SOX6: variants seen among roughly 807,000 people sequenced by gnomAD.
SOX6 encodes the protein transcription factor SOX-6.
A neutral mutation model predicts 97.8 loss-of-function variants in SOX6; 11 were observed. The ratio of observed to expected loss-of-function variants is 0.11; its 90% CI spans 0.07 to 0.19. SOX6 has a LOEUF of 0.19. SOX6 is among the 10% of genes least tolerant of loss of function. SOX6 has a pLI of 1.00. For missense variants in SOX6, 810 were observed against 1,039.5 expected, an observed-to-expected ratio of 0.78 and a Z score of 3.04; for synonymous variants, 360 against 371.4, an observed-to-expected ratio of 0.97 and a Z score of 0.35.
chr11:16,691,127 C>A (rs925951232), intron 3 of SOX6, among the ~76,000 whole-genome samples: 1 of 152,186 alleles, frequency 6.6e-6, no homozygotes, highest in Non-Finnish European at 1.5e-5. Flanking sequence ...TCATGACCCT[C>A]CTTGGAGTTA....
intron 6 of SOX6, 76 bp from the exon 7 acceptor site, chr11:16,111,999 T>C: frequency 3.8e-6 from 6 of 1,584,682 alleles, no homozygotes; most frequent in Non-Finnish European, 5.2e-6. Context: ...TCACTCCTGG[T>C]GGTGTGCTGG....
intron 4 of SOX6, among the ~76,000 whole-genome samples, chr11:16,527,007 T>G (rs939114740): frequency 6.6e-5 from 10 of 152,128 alleles, no homozygotes; most frequent in Non-Finnish European, 1.2e-4. Context: ...CAAACTTTCA[T>G]GCCCTAATAC....
At chr11:16,057,394 A>G (rs1339308971) in intron 9 of SOX6, among the ~76,000 whole-genome samples, 2 of 152,072 alleles carry the variant, frequency 1.3e-5, no homozygotes, top group African/African-American at 4.8e-5. Flanking sequence ...TTTTGTTTTC[A>G]TAATTTTTAT....
At chr11:16,620,394 T>C (rs1389676000) in intron 3 of SOX6, among the ~76,000 whole-genome samples, 1 of 152,208 alleles carries the variant, frequency 6.6e-6, no homozygotes, top group East Asian at 1.9e-4. Context: ...TATCTGGGCA[T>C]GACGATATAA....
chr11:16,711,106 C>G (rs1489031919), intron 3 of SOX6, among the ~76,000 whole-genome samples: 1 of 152,192 alleles, frequency 6.6e-6, no homozygotes, highest in African/African-American at 2.4e-5. Context: ...TAACCCAGGT[C>G]CCCATTATTT....
At chr11:16,701,773 C>T (rs1444311180) in intron 3 of SOX6, among the ~76,000 whole-genome samples, 11 of 3,204 alleles carry the variant, frequency 3.4e-3, no homozygotes, top group African/African-American at 0.017. Flanking sequence ...CGGAGGGGTT[C>T]GGGGGGGTGG....
intron 1 of SOX6, among the ~76,000 whole-genome samples, chr11:16,362,971 A>T (rs1034681571): frequency 2.0e-5 from 3 of 152,120 alleles, no homozygotes; most frequent in Non-Finnish European, 4.4e-5. Context: ...TTATAAACAC[A>T]CGGTTCCAGA....
chr11:16,492,308 G>T (rs1860525617), intron 4 of SOX6, among the ~76,000 whole-genome samples: 1 of 152,166 alleles, frequency 6.6e-6, no homozygotes, highest in South Asian at 2.1e-4. Context: ...AGCCAGAGCT[G>T]CAATGGACAG....
chr11:16,531,388 TA>T (rs1253808518), intron 4 of SOX6, among the ~76,000 whole-genome samples: 3 of 151,742 alleles, frequency 2.0e-5, no homozygotes, highest in African/African-American at 4.8e-5. Context: ...ACATTTATAA[TA>T]AAAAAAGAAT....
At chr11:16,023,728 C>T (rs777321986) in intron 12 of SOX6, among the ~76,000 whole-genome samples, 3 of 152,056 alleles carry the variant, frequency 2.0e-5, no homozygotes, top group African/African-American at 7.3e-5. Flanking sequence ...ATTAAAAAGG[C>T]CAATCTCTTA....
At chr11:16,181,342 T>C (rs1222553931) in intron 6 of SOX6, among the ~76,000 whole-genome samples, 3 of 151,722 alleles carry the variant, frequency 2.0e-5, no homozygotes, top group Non-Finnish European at 4.4e-5. Flanking sequence ...TAATAATCTT[T>C]AATTCACCTT....
At chr11:16,638,986 T>G (rs1848844835) in intron 3 of SOX6, among the ~76,000 whole-genome samples, 1 of 152,222 alleles carries the variant, frequency 6.6e-6, no homozygotes, top group African/African-American at 2.4e-5. Context: ...AGACATGAAG[T>G]CCTTGCCCAT....
chr11:16,201,983 A>G (rs915850789), intron 4 of SOX6, among the ~76,000 whole-genome samples: 2 of 152,110 alleles, frequency 1.3e-5, no homozygotes, highest in African/African-American at 2.4e-5. Context: ...TAGAAATAAT[A>G]AATTTATTTT....
At chr11:16,572,429 T>G (rs1352880799) in intron 4 of SOX6, among the ~76,000 whole-genome samples, 2 of 152,212 alleles carry the variant, frequency 1.3e-5, no homozygotes, top group Non-Finnish European at 2.9e-5. Flanking sequence ...GCTTAATTTA[T>G]TTTTTAAACA....
chr11:16,698,113 TCTC>T (rs755265247), intron 3 of SOX6, among the ~76,000 whole-genome samples: 1 of 152,118 alleles, frequency 6.6e-6, no homozygotes, highest in Non-Finnish European at 1.5e-5. Flanking sequence ...GGCATTAACT[TCTC>T]CTCTCTAGCT....
intron 6 of SOX6, among the ~76,000 whole-genome samples, chr11:16,173,276 T>C (rs945004952): frequency 6.6e-6 from 1 of 151,892 alleles, no homozygotes; most frequent in African/African-American, 2.4e-5. Context: ...GGCCCTCTCA[T>C]GGACTCCATC....
intron 3 of SOX6, among the ~76,000 whole-genome samples, chr11:16,689,760 G>A (rs1847998328): frequency 6.6e-6 from 1 of 151,964 alleles, no homozygotes; most frequent in African/African-American, 2.4e-5. Context: ...ATATTTATTT[G>A]TTTTGGTTTC....
chr11:16,585,874 G>A (rs537500380), intron 4 of SOX6, among the ~76,000 whole-genome samples: 5 of 151,822 alleles, frequency 3.3e-5, no homozygotes, highest in Admixed American at 3.3e-4. Flanking sequence ...GTACAGACAG[G>A]GTTTTGCCAT....
chr11:16,621,501 A>G (rs1454186166), intron 3 of SOX6, among the ~76,000 whole-genome samples: 1 of 152,158 alleles, frequency 6.6e-6, no homozygotes. Flanking sequence ...GGAGTGAGTA[A>G]TATCTCATTT....
Sources: gnomAD v4.1 joint callset for allele counts (sites outside exome capture counted in the v4.1 genomes callset) on GRCh38, gnomAD v4.1.1 for gene constraint, MANE v1.5 for transcripts, NCBI Gene and HGNC (gene_info 2026-07-23, HGNC 2026-07-21) for gene names.